AUTS2: variants seen among roughly 807,000 people sequenced by gnomAD.
AUTS2 encodes autism susceptibility gene 2 protein.
AUTS2 carries 17 observed loss-of-function variants against 112.4 expected under a neutral mutation model. The observed-to-expected ratio is 0.15, with a 90% CI of 0.10 to 0.23. AUTS2 has a LOEUF of 0.23. AUTS2 is among the 10% of genes least tolerant of loss of function. The pLI is 1.00. For synonymous variants in AUTS2, 751 were observed against 702.7 expected, an observed-to-expected ratio of 1.07 and a Z score of -1.09; for missense variants, 1,510 against 1,701.6, an observed-to-expected ratio of 0.89 and a Z score of 1.98.
chr7:70,354,942 A>G (rs991328496), intron 4 of AUTS2, among the ~76,000 whole-genome samples: 1 of 151,424 alleles, frequency 6.6e-6, no homozygotes, highest in African/African-American at 2.4e-5. Flanking sequence ...TTATATTTCT[A>G]TTAGAAAGGG....
At chr7:70,216,197 CTCCT>C (rs1811157190) in intron 4 of AUTS2, among the ~76,000 whole-genome samples, 1 of 152,112 alleles carries the variant, frequency 6.6e-6, no homozygotes, top group Non-Finnish European at 1.5e-5. Context: ...TATAGTTAGT[CTCCT>C]TCAAGTCCCA....
intron 1 of AUTS2, among the ~76,000 whole-genome samples, chr7:69,764,508 A>C (rs966089752): frequency 6.6e-6 from 1 of 152,040 alleles, no homozygotes; most frequent in African/African-American, 2.4e-5. Context: ...CTTAGAGACA[A>C]CTGGGATAAG....
At chr7:69,770,098 T>C (rs748015486) in intron 1 of AUTS2, among the ~76,000 whole-genome samples, 1 of 152,160 alleles carries the variant, frequency 6.6e-6, no homozygotes, top group Non-Finnish European at 1.5e-5. Flanking sequence ...TAGGCCCTCA[T>C]TGGGGCTACA....
At chr7:69,708,611 G>T (rs183085388) in intron 1 of AUTS2, among the ~76,000 whole-genome samples, 2 of 152,160 alleles carry the variant, frequency 1.3e-5, no homozygotes, top group Non-Finnish European at 2.9e-5. Context: ...GGAATAACAC[G>T]TAGTCTTTAT....
At chr7:70,010,620 A>G (rs2129554163) in intron 2 of AUTS2, among the ~76,000 whole-genome samples, 1 of 152,300 alleles carries the variant, frequency 6.6e-6, no homozygotes, top group Admixed American at 6.5e-5. Flanking sequence ...ACAAGAAATA[A>G]GCCTTTGTTA....
chr7:70,367,443 C>T (rs556504164), intron 4 of AUTS2, among the ~76,000 whole-genome samples: 1 of 151,608 alleles, frequency 6.6e-6, no homozygotes, highest in East Asian at 1.9e-4. Flanking sequence ...GTAGTCCCAA[C>T]TACTTGGGAG....
chr7:70,585,548 A>G (rs998857866), intron 5 of AUTS2, among the ~76,000 whole-genome samples: 2 of 152,358 alleles, frequency 1.3e-5, no homozygotes, highest in South Asian at 2.1e-4. Flanking sequence ...TCGGTCATAC[A>G]GATCGCGTAT....
At chr7:69,724,054 A>G (rs1046723262) in intron 1 of AUTS2, among the ~76,000 whole-genome samples, 1 of 152,066 alleles carries the variant, frequency 6.6e-6, no homozygotes, top group South Asian at 2.1e-4. Flanking sequence ...TCTCCATGGT[A>G]TTTCTGAGTA....
intron 4 of AUTS2, among the ~76,000 whole-genome samples, chr7:70,168,664 C>T (rs1562757718): frequency 6.6e-6 from 1 of 152,130 alleles, no homozygotes; most frequent in East Asian, 1.9e-4. Context: ...TTTTGAAGAA[C>T]ATTATGTAAT....
intron 5 of AUTS2, among the ~76,000 whole-genome samples, chr7:70,453,811 C>A (rs769108089): frequency 6.6e-6 from 1 of 152,168 alleles, no homozygotes; most frequent in Non-Finnish European, 1.5e-5. Flanking sequence ...TCCAGATAAT[C>A]CAAGAAAATC....
chr7:70,634,298 G>T (rs1366285042), intron 5 of AUTS2, among the ~76,000 whole-genome samples: 1 of 152,240 alleles, frequency 6.6e-6, no homozygotes, highest in African/African-American at 2.4e-5. Context: ...AGGAGGCTGT[G>T]CGCTGCAGAG....
intron 2 of AUTS2, among the ~76,000 whole-genome samples, chr7:70,008,830 G>A (rs1799661975): frequency 1.3e-5 from 2 of 152,090 alleles, no homozygotes; most frequent in South Asian, 4.1e-4. Context: ...ATGATTTAAA[G>A]TACTTATGAT....
At chr7:70,472,913 G>A (rs887550989) in intron 5 of AUTS2, among the ~76,000 whole-genome samples, 17 of 152,208 alleles carry the variant, frequency 1.1e-4, no homozygotes, top group Non-Finnish European at 2.4e-4. Flanking sequence ...ATCACCAGAA[G>A]TATGGCACTG....
intron 4 of AUTS2, among the ~76,000 whole-genome samples, chr7:70,424,303 G>A (rs780281411): frequency 5.7e-4 from 86 of 152,158 alleles, no homozygotes; most frequent in Non-Finnish European, 1.0e-3. Flanking sequence ...GCTTGTAGGC[G>A]CTGCAATCTC....
At chr7:69,974,597 C>A (rs1797982427) in intron 2 of AUTS2, among the ~76,000 whole-genome samples, 1 of 152,014 alleles carries the variant, frequency 6.6e-6, no homozygotes, top group South Asian at 2.1e-4. Context: ...TCTCCAAGGG[C>A]AGGAGATTTG....
In AUTS2 at chr7:70,643,264, C is replaced by T. The variant is rs1352477871; in HGVS notation, c.691-55305C>T. Reference sequence around the variant, plus strand: ...AAGATGGCCAGGTGTCTTGTGGACACGGAACATTAAAAATGTGCCTAATCT... The same window carrying T: ...AAGATGGCCAGGTGTCTTGTGGACATGGAACATTAAAAATGTGCCTAATCT... On this transcript the variant is annotated intron_variant, in intron 5 of 18. Coordinates refer to ENST00000342771, the MANE Select transcript of AUTS2 (RefSeq NM_015570.4). 2.6e-5 allele frequency among the ~76,000 whole-genome samples: 4 copies of T among 152,180 alleles called. 1 individual carries two copies. The highest frequency in any genetic ancestry group is 4.4e-5 in the Non-Finnish European group (3 of 68,042).
At chr7:70,260,754 CTTT>C in intron 4 of AUTS2, among the ~76,000 whole-genome samples, 1 of 144,860 alleles carries the variant, frequency 6.9e-6, no homozygotes, top group African/African-American at 2.5e-5. Context: ...CCTTTTTACA[CTTT>C]TTTTTTTTTT....
At chr7:69,900,879 T>C (rs1444993729) in intron 2 of AUTS2, among the ~76,000 whole-genome samples, 1 of 152,190 alleles carries the variant, frequency 6.6e-6, no homozygotes, top group Non-Finnish European at 1.5e-5. Flanking sequence ...AACATTTACC[T>C]AATGCATACT....
At chr7:70,066,893 T>A (rs1802523618) in intron 2 of AUTS2, among the ~76,000 whole-genome samples, 1 of 152,360 alleles carries the variant, frequency 6.6e-6, no homozygotes, top group African/African-American at 2.4e-5. Flanking sequence ...TTAGACTTTA[T>A]GAGATTAAGC....
Sources: allele counts gnomAD v4.1 joint callset (sites outside exome capture counted in the v4.1 genomes callset), GRCh38; gene constraint gnomAD v4.1.1; transcripts MANE v1.5; gene names NCBI Gene and HGNC (gene_info 2026-07-23, HGNC 2026-07-21).